The following STK39 variants were observed in gnomAD, a reference collection of about 807,000 sequenced individuals.
STK39 encodes the protein STE20/SPS1-related proline-alanine-rich protein kinase.
A neutral mutation model predicts 77.8 loss-of-function variants in STK39; 20 were observed. That is an observed-to-expected ratio of 0.26 (90% CI 0.18 to 0.37). The LOEUF (loss-of-function observed/expected upper bound fraction) is 0.37. Among genes scored for constraint, STK39 ranks in the 10% least tolerant of loss-of-function variants. The probability of loss-of-function intolerance (pLI) is 1.00; values close to 1 mark genes in which losing one functional copy is unlikely to be tolerated. For missense variants in STK39, 479 were observed against 656.5 expected, an observed-to-expected ratio of 0.73 and a Z score of 2.95; for synonymous variants, 246 against 234.1, an observed-to-expected ratio of 1.05 and a Z score of -0.47.
intron 10 of STK39, among the ~76,000 whole-genome samples, chr2:168,125,623 A>ATTTGCT (rs1298023917): frequency 2.4e-4 from 36 of 152,300 alleles, no homozygotes; most frequent in Non-Finnish European, 4.9e-4. Flanking sequence ...GATGATCCCT[A>ATTTGCT]AACAACACTG....
intron 1 of STK39, among the ~76,000 whole-genome samples, chr2:168,202,870 C>T (rs887023741): frequency 3.3e-5 from 5 of 152,056 alleles, no homozygotes; most frequent in African/African-American, 1.2e-4. Context: ...TGTGCATTTC[C>T]ATTTGCCCTT....
intron 1 of STK39, among the ~76,000 whole-genome samples, chr2:168,242,884 C>A (rs544651147): frequency 1.0e-4 from 12 of 117,216 alleles, no homozygotes; most frequent in Non-Finnish European, 2.1e-4. Context: ...CAGAGTGAGA[C>A]CCTTTATCAA....
At chr2:168,064,544 C>T (rs1427960344) in intron 13 of STK39, among the ~76,000 whole-genome samples, 1 of 152,180 alleles carries the variant, frequency 6.6e-6, no homozygotes, top group Non-Finnish European at 1.5e-5. Context: ...CTCAAACAGG[C>T]TTCCTGAAGC....
intron 16 of STK39, among the ~76,000 whole-genome samples, chr2:167,977,135 C>T (rs913799586): frequency 1.3e-4 from 20 of 152,116 alleles, no homozygotes; most frequent in African/African-American, 4.6e-4. Flanking sequence ...GGTCCTAGTG[C>T]AAATGTCTGA....
intron 2 of STK39, among the ~76,000 whole-genome samples, chr2:168,178,238 G>T (rs1378685932): frequency 6.6e-6 from 1 of 152,164 alleles, no homozygotes; most frequent in Non-Finnish European, 1.5e-5. Context: ...AAGCATCTAT[G>T]TTGGCACAGT....
intron 12 of STK39, 139 bp downstream of exon 12, chr2:168,074,843 G>C: frequency 1.1e-6 from 1 of 933,146 alleles, no homozygotes; most frequent in Middle Eastern, 3.4e-4. Context: ...GACAGAATTA[G>C]GAGCTGCAAA....
intron 1 of STK39, among the ~76,000 whole-genome samples, chr2:168,223,282 G>T (rs1028943751): frequency 6.6e-6 from 1 of 152,090 alleles, no homozygotes; most frequent in African/African-American, 2.4e-5. Flanking sequence ...GGCTGAGGTA[G>T]GCAGATCACT....
At chr2:168,210,804 G>C (rs1439647548) in intron 1 of STK39, among the ~76,000 whole-genome samples, 1 of 152,182 alleles carries the variant, frequency 6.6e-6, no homozygotes, top group African/African-American at 2.4e-5. Context: ...ACAGACGTGA[G>C]CCACTGCGCC....
chr2:168,223,847 C>T (rs1446810503), intron 1 of STK39, among the ~76,000 whole-genome samples: 3 of 152,006 alleles, frequency 2.0e-5, no homozygotes, highest in Admixed American at 1.3e-4. Context: ...ATTATCTGGT[C>T]GACTTGAATT....
intron 14 of STK39, among the ~76,000 whole-genome samples, chr2:168,048,347 G>A (rs2105362576): frequency 6.6e-6 from 1 of 152,028 alleles, no homozygotes; most frequent in East Asian, 1.9e-4. Context: ...TGAGTAGCTG[G>A]GACTACAGGC....
At chr2:168,003,880 T>C (rs1478567056) in intron 16 of STK39, among the ~76,000 whole-genome samples, 1 of 152,226 alleles carries the variant, frequency 6.6e-6, no homozygotes, top group African/African-American at 2.4e-5. Context: ...TGAAAGTCAA[T>C]ATCAGTGAAT....
intron 14 of STK39, among the ~76,000 whole-genome samples, chr2:168,044,835 A>G (rs191632514): frequency 3.8e-3 from 575 of 152,294 alleles, no homozygotes; most frequent in Non-Finnish European, 6.7e-3. Context: ...AATGTAAACC[A>G]ACCAACCATG....
At chr2:168,247,088 A>AAG (rs1690938180) in intron 1 of STK39, 140 bp downstream of exon 1, 1 of 280,356 alleles carries the variant, frequency 3.6e-6, no homozygotes, top group African/African-American at 2.5e-5. Flanking sequence ...AAAAAAAAAA[A>AAG]ACTGTTGAAG....
chr2:168,063,596 G>C, intron 13 of STK39, 26 bp from the exon 14 acceptor site: 1 of 1,565,698 alleles, frequency 6.4e-7, no homozygotes, highest in Non-Finnish European at 8.7e-7. Flanking sequence ...AGCAAACAGT[G>C]TTATAAACTG....
chr2:168,075,723 A>G (rs1455531019), intron 10 of STK39, among the ~76,000 whole-genome samples: 1 of 151,814 alleles, frequency 6.6e-6, no homozygotes, highest in Non-Finnish European at 1.5e-5. Context: ...ACACCCTTCT[A>G]TTGCCACCTC....
chr2:168,231,116 C>A (rs1333811482), intron 1 of STK39, among the ~76,000 whole-genome samples: 1 of 152,140 alleles, frequency 6.6e-6, no homozygotes, highest in Non-Finnish European at 1.5e-5. Flanking sequence ...GAATTTACTA[C>A]AAATAATAGT....
intron 14 of STK39, among the ~76,000 whole-genome samples, chr2:168,059,947 G>A (rs146525764): frequency 3.9e-5 from 6 of 151,944 alleles, no homozygotes; most frequent in East Asian, 1.9e-4. Flanking sequence ...TTTTTCTACT[G>A]GTACATTACA....
intron 1 of STK39, among the ~76,000 whole-genome samples, chr2:168,217,517 A>C (rs2105710526): frequency 6.6e-6 from 1 of 152,306 alleles, no homozygotes; most frequent in African/African-American, 2.4e-5. Flanking sequence ...CCTTGGCCCC[A>C]CTTCCCACAA....
At chr2:168,178,130 G>C (rs1198493900) in intron 2 of STK39, among the ~76,000 whole-genome samples, 2 of 152,200 alleles carry the variant, frequency 1.3e-5, no homozygotes, top group African/African-American at 4.8e-5. Context: ...CTCCTAGAGA[G>C]CATTAAACTA....
Sources: allele counts gnomAD v4.1 joint callset (sites outside exome capture counted in the v4.1 genomes callset), GRCh38; gene constraint gnomAD v4.1.1; transcripts MANE v1.5; gene names NCBI Gene and HGNC (gene_info 2026-07-23, HGNC 2026-07-21).